HK2: variants seen among roughly 807,000 people sequenced by gnomAD.
HK2 encodes the protein hexokinase-2.
In HK2, 42 loss-of-function variants were observed where a neutral mutation model predicts 92.9. That is an observed-to-expected ratio of 0.45 (90% CI 0.35 to 0.58). The LOEUF is 0.58. Among genes scored for constraint, HK2 ranks in the 20% least tolerant of loss-of-function variants. The pLI, the probability that HK2 is intolerant of heterozygous loss-of-function variation, is 0.00. For synonymous variants in HK2, 422 were observed against 468.0 expected (o/e 0.90, Z 1.27); for missense variants, 978 against 1,245.1 (o/e 0.79, Z 3.23).
Position 74,880,370 on chromosome 2 carries a change from A to G in HK2, c.1371A>G (p.Thr457=). 6.2e-7 allele frequency: 1 copy of G among 1,614,182 alleles called. No homozygotes were observed. Residue 457 remains threonine, a synonymous_variant, in exon 10 of 18, where the codon ACA becomes ACG. Transcript: ENST00000290573. ...DGSGKGAAMV[T]AVAYRLADQH... ...GTGGCAAAGGTGCAGCCATGGTGAC[A>G]GCAGTGGCTTACCGGCTGGCCGATC...
chr2:74,866,440 TGG>T (rs1180884453), intron 2 of HK2, among the ~76,000 whole-genome samples: 3 of 152,190 alleles, frequency 2.0e-5, no homozygotes, highest in Non-Finnish European at 4.4e-5. Context: ...TGCTCGCAGT[TGG>T]GGCAGTCACC....
At chr2:74,882,094 C>T in intron 11 of HK2, 26 bp from the exon 12 acceptor site, 3 of 1,613,054 alleles carry the variant, frequency 1.9e-6, no homozygotes, top group Non-Finnish European at 2.5e-6. Context: ...GGGCCCCTCC[C>T]TCAGTGTCCT....
chr2:74,854,528 C>G (rs1688649967), intron 2 of HK2, 73 bp downstream of exon 2: 1 of 1,548,978 alleles, frequency 6.5e-7, no homozygotes, highest in African/African-American at 1.4e-5. Flanking sequence ...CTCAGGGACC[C>G]AAATAACTCA....
chr2:74,881,270 A>G (rs1300957799), intron 10 of HK2, among the ~76,000 whole-genome samples: 1 of 152,220 alleles, frequency 6.6e-6, no homozygotes, highest in Admixed American at 6.5e-5. Context: ...ATTCCAATTC[A>G]GAGAAGACAG....
intron 9 of HK2, 40 bp from the exon 10 acceptor site, chr2:74,880,225 C>A (rs1689347128): frequency 1.2e-6 from 2 of 1,609,768 alleles, no homozygotes; most frequent in Admixed American, 1.7e-5. Flanking sequence ...TTGACCCTAA[C>A]CATGGACACC....
chr2:74,885,521 T>C lies in HK2; in HGVS notation c.1867T>C (p.Phe623Leu). 1.2e-6 allele frequency: 2 copies of C among 1,613,832 alleles called. No homozygotes were observed. Among genetic ancestry groups the C allele is most frequent in the Non-Finnish European group, 1.7e-6 (2 of 1,179,832 alleles). The part of the protein sequence containing the change: ...ESILLKWTKG[F>L]KASGCEGEDV... ...CATCCTCCTCAAGTGGACAAAAGGC[T>C]TCAAGGCATCTGGCTGCGAGGGCGA... Residue 623 changes from phenylalanine (F) to leucine (L), a missense_variant, in exon 13 of 18, where the codon TTC becomes CTC. This residue lies in a region of HK2 where 742 missense variants were observed against 922.5 expected (regional missense o/e 0.80). Transcript: ENST00000290573.
intron 7 of HK2, among the ~76,000 whole-genome samples, chr2:74,876,697 C>T (rs1375962910): frequency 7.2e-5 from 11 of 152,150 alleles, no homozygotes. Flanking sequence ...TCTCTGGAGC[C>T]CATGAACGGC....
intron 1 of HK2, among the ~76,000 whole-genome samples, chr2:74,849,353 G>C (rs1688514440): frequency 6.6e-6 from 1 of 152,190 alleles, no homozygotes; most frequent in African/African-American, 2.4e-5. Context: ...AGGAAGCTCT[G>C]ATCTAACCCT....
At position 74,888,018 on chromosome 2, in the gene HK2, A is replaced by G; in HGVS notation, c.2335A>G (p.Arg779Gly). The change falls in exon 16 of 18, where the codon AGG becomes GGG. Residue 779 changes from arginine to glycine, a missense_variant. Transcript: ENST00000290573. ...RGRISERLKTRGIFETKFLSQ... is the reference protein window; with the variant it reads ...RGRISERLKTGGIFETKFLSQ... The stretch of plus-strand genomic sequence containing the variant: ...CCGCATCTCAGAGCGGCTCAAGACA[A>G]GGGGCATCTTTGAAACCAAGTTCTT... The G allele has an allele frequency of 6.2e-7, 1 of 1,614,200 alleles. No individual in the cohort carries two copies. Among genetic ancestry groups the G allele is most frequent in the Non-Finnish European group, 8.5e-7 (1 of 1,180,018 alleles).
Position 74,892,987 on chromosome 2 carries a change from C to T in HK2, c.*2046C>T, listed in dbSNP as rs1316227423. Reference sequence around the variant, plus strand: ...CCCACAAAATAGAGATTAATTTTAACTTAAATTTTAAGCTTGAAGATTAGG... The same window carrying T: ...CCCACAAAATAGAGATTAATTTTAATTTAAATTTTAAGCTTGAAGATTAGG... On this transcript the variant is annotated 3_prime_UTR_variant, in exon 18 of 18. Transcript: ENST00000290573. 6.7e-6 allele frequency: 1 copy of T among 149,912 alleles called. No individual in the cohort carries two copies. Among genetic ancestry groups the T allele is most frequent in the Non-Finnish European group, 1.5e-5 (1 of 67,762 alleles). The allele number at this position is 149,912 out of a possible 1,614,324, so 9.3% of individuals were successfully genotyped here.
At chr2:74,881,285 TGAGCAGGCC>T (rs2103990894) in intron 10 of HK2, among the ~76,000 whole-genome samples, 1 of 152,336 alleles carries the variant, frequency 6.6e-6, no homozygotes, top group South Asian at 2.1e-4. Flanking sequence ...AGACAGTCGA[TGAGCAGGCC>T]AGTGTAGCAC....
intron 1 of HK2, among the ~76,000 whole-genome samples, chr2:74,845,932 G>A (rs1688424000): frequency 6.6e-6 from 1 of 152,232 alleles, no homozygotes; most frequent in African/African-American, 2.4e-5. Context: ...GTCTGTGAGG[G>A]CATTATTATT....
chr2:74,872,376 G>C lies in HK2; in HGVS notation c.452G>C (p.Gly151Ala). ...ATCAAAGACAAGAAGCTCCCACTGG[G>C]TTTTACCTTCTCGTTCCCCTGCCAC... is the stretch of plus-strand genomic sequence containing the variant. The part of the protein sequence containing the change: ...LQIKDKKLPL[G>A]FTFSFPCHQT... The change falls in exon 4 of 18, where the codon GGT (glycine) becomes GCT (alanine). Residue 151 changes from glycine to alanine, a missense_variant. This residue lies in a region of HK2 where 189 missense variants were observed against 289.5 expected (regional missense o/e 0.65). Coordinates refer to ENST00000290573, the MANE Select transcript of HK2 (RefSeq NM_000189.5). 1.2e-6 allele frequency: 2 copies of C among 1,614,110 alleles called. No individual in the cohort carries two copies. The highest frequency in any genetic ancestry group is 2.2e-5 in the East Asian group (1 of 44,872).
chr2:74,862,624 G>A lies in HK2; in HGVS notation c.227-5012G>A, dbSNP rs77814961. Among the ~76,000 whole-genome samples, 915 of 152,310 alleles carry A rather than the reference G, an allele frequency of 6.0e-3. 6 individuals carry two copies. Among genetic ancestry groups the A allele is most frequent in the African/African-American group, 0.021 (877 of 41,556 alleles). ...GTTGCTCTGCATTATATTAACAACT[G>A]TACAGCGGAGACATACATCCAGAGC... On this transcript the variant is annotated intron_variant, in intron 2 of 17. Transcript: ENST00000290573.
In HK2 at chr2:74,886,680, A is replaced by G. The variant is rs972154370; in HGVS notation, c.2219+7A>G. On this transcript the variant is annotated splice_region_variant and intron_variant, in intron 15 of 17. Transcript: ENST00000290573. Reference sequence around the variant, plus strand: ...TCAACCCCGGCAAGCAGAGGTAGGCACCCAACTGGGGCCCTGTTAAGTGTA... The same window carrying G: ...TCAACCCCGGCAAGCAGAGGTAGGCGCCCAACTGGGGCCCTGTTAAGTGTA... 16 of 1,613,606 alleles carry G rather than the reference A, an allele frequency of 9.9e-6. No homozygotes were observed. Among genetic ancestry groups the G allele is most frequent in the Non-Finnish European group, 1.3e-5 (15 of 1,179,884 alleles).
intron 10 of HK2, 102 bp from the exon 11 acceptor site, chr2:74,881,609 T>C (rs1281536511): frequency 1.7e-6 from 2 of 1,194,186 alleles, no homozygotes; most frequent in African/African-American, 3.0e-5. Context: ...AAAGTGGCAT[T>C]TGATGGAACA....
At chr2:74,842,818 A>G (rs1688347889) in intron 1 of HK2, among the ~76,000 whole-genome samples, 1 of 152,188 alleles carries the variant, frequency 6.6e-6, no homozygotes, top group African/African-American at 2.4e-5. Context: ...GATGCCTGGG[A>G]CATTAGTGCA....
At chr2:74,881,885 G>A (rs533931960) in intron 11 of HK2, 26 bp downstream of exon 11, 2 of 1,612,630 alleles carry the variant, frequency 1.2e-6, no homozygotes, top group African/African-American at 2.7e-5. Context: ...CCTTCAGGAG[G>A]GGGCCCCTGG....
At chr2:74,870,377 T>C (rs1278211365) in intron 3 of HK2, among the ~76,000 whole-genome samples, 1 of 152,140 alleles carries the variant, frequency 6.6e-6, no homozygotes, top group Non-Finnish European at 1.5e-5. Flanking sequence ...GGCAGGGCAG[T>C]ATTTAATGCT....
Sources: allele counts gnomAD v4.1 joint callset (sites outside exome capture counted in the v4.1 genomes callset), GRCh38; gene constraint gnomAD v4.1.1; regional missense constraint gnomAD v4.1.1; transcripts MANE v1.5; gene names NCBI Gene and HGNC (gene_info 2026-07-23, HGNC 2026-07-21).